The following MCF2 variants were observed in gnomAD, a reference collection of about 807,000 sequenced individuals.
The protein encoded by MCF2 is proto-oncogene DBL.
In MCF2, 44 loss-of-function variants were observed where a neutral mutation model predicts 82.5. That is an observed-to-expected ratio of 0.53 (90% confidence interval 0.42 to 0.69). MCF2 has a LOEUF of 0.69. Ranked by LOEUF, MCF2 falls within the 30% of genes least tolerant of loss-of-function variation. The probability of loss-of-function intolerance (pLI) is 0.00; values close to 1 mark genes in which losing one functional copy is unlikely to be tolerated. For missense variants in MCF2, 623 were observed against 663.1 expected (o/e 0.94, Z 0.66); for synonymous variants, 217 against 224.9 (o/e 0.96, Z 0.32).
chrX:139,627,345 T>C (rs903965471), intron 4 of MCF2, among the ~76,000 whole-genome samples: 11 of 112,187 alleles, frequency 9.8e-5, no homozygotes, highest in African/African-American at 3.6e-4. Flanking sequence ...TCAGATACAG[T>C]TAAATGCCTT....
At chrX:139,626,823 G>C in intron 4 of MCF2, 67 bp from the exon 8 acceptor site, 2 of 954,409 alleles carry the variant, frequency 2.1e-6, no homozygotes, top group Non-Finnish European at 2.9e-6. Context: ...GATGGGAAGG[G>C]AGCATACAAC....
At chrX:139,682,729 T>TTTA (rs1430662898) in intron 1 of MCF2, among the ~76,000 whole-genome samples, 1 of 111,861 alleles carries the variant, frequency 8.9e-6, no homozygotes, top group Admixed American at 9.5e-5. Flanking sequence ...TTTCTTCTGT[T>TTTA]ATCCCACCCC....
At chrX:139,685,001 T>C (rs777093640) in intron 1 of MCF2, among the ~76,000 whole-genome samples, 4 of 111,716 alleles carry the variant, frequency 3.6e-5, no homozygotes, top group African/African-American at 9.8e-5. Context: ...ACAAAAGCTA[T>C]TTTTAAAAAT....
intron 1 of MCF2, among the ~76,000 whole-genome samples, chrX:139,659,359 T>A (rs1019469230): frequency 5.4e-5 from 6 of 111,328 alleles, no homozygotes; most frequent in Non-Finnish European, 1.1e-4. Flanking sequence ...ATGATTTGAG[T>A]ACATATCACC....
chrX:139,694,842 C>G (rs1323231788), intron 1 of MCF2, among the ~76,000 whole-genome samples: 1 of 109,118 alleles, frequency 9.2e-6, no homozygotes, highest in Non-Finnish European at 1.9e-5. Flanking sequence ...ATTTTTTATC[C>G]ATAAATGCAT....
chrX:139,595,086 G>A (rs1420346578), intron 19 of MCF2, among the ~76,000 whole-genome samples: 1 of 109,574 alleles, frequency 9.1e-6, no homozygotes, highest in Non-Finnish European at 1.9e-5. Context: ...AACAGGTGCT[G>A]GAGAGGATGT....
chrX:139,604,482 T>C (rs1014121906), intron 15 of MCF2, among the ~76,000 whole-genome samples, 199 bp downstream of exon 19: 3 of 110,217 alleles, frequency 2.7e-5, no homozygotes, highest in African/African-American at 9.9e-5. Flanking sequence ...GGAAGGGGTA[T>C]TTTTATGCTC....
chrX:139,603,464 G>C (rs754770455), intron 15 of MCF2, among the ~76,000 whole-genome samples: 1 of 112,539 alleles, frequency 8.9e-6, no homozygotes, highest in African/African-American at 3.2e-5. Flanking sequence ...ACATACTATG[G>C]AGTCTAAAGG....
intron 1 of MCF2, among the ~76,000 whole-genome samples, chrX:139,687,624 C>T (rs191017660): frequency 8.9e-6 from 1 of 112,870 alleles, no homozygotes; most frequent in Admixed American, 9.3e-5. Flanking sequence ...GTGCCAAGCA[C>T]AGGCATGTCT....
intron 3 of MCF2, 67 bp downstream of exon 6, chrX:139,631,328 C>T: frequency 3.2e-6 from 2 of 617,612 alleles, no homozygotes; most frequent in Non-Finnish European, 4.9e-6. Context: ...GGAAAGAATT[C>T]TAGAACTAGA....
intron 1 of MCF2, among the ~76,000 whole-genome samples, chrX:139,690,391 GAAC>G (rs913603874): frequency 2.2e-5 from 2 of 91,216 alleles, no homozygotes; most frequent in Non-Finnish European, 4.2e-5. Context: ...AGGTAAATGA[GAAC>G]AAAACGCAAA....
rs773335090 is a variant in MCF2 at position 139,598,568 on chromosome X, T to C, written c.1837-70A>G. ...TACCTGTGAAAATGCCAAGTGTTCA[T>C]TGATTAAACCTAATGCCCCAATGTT... On this transcript the variant is annotated intron_variant, in intron 16 of 24. Transcript: ENST00000370576. 5.4e-5 allele frequency: 30 copies of C among 552,081 alleles called. No individual in the cohort carries two copies. The East Asian group carries it at 9.7e-4, about 18-fold the overall frequency. 45.5% of individuals were successfully genotyped at this position (552,081 alleles called of 1,213,427 possible). A position where few individuals can be genotyped will look rare whatever the true frequency, so the allele number is the denominator to read the frequency against.
At chrX:139,616,330 A>C in exon 9 of MCF2, 2 of 1,168,793 alleles carry the variant, frequency 1.7e-6, no homozygotes. Flanking sequence ...GCAGTGTTTC[A>C]GGTTCATAAT....
chrX:139,588,573 G>C (rs550003021), intron 20 of MCF2, 135 bp from the exon 25 acceptor site: 1 of 391,049 alleles, frequency 2.6e-6, no homozygotes, highest in East Asian at 4.1e-5. Context: ...AATCTTAACC[G>C]TTTGATTGTT....
At chrX:139,693,565 T>C (rs1363512619) in intron 1 of MCF2, among the ~76,000 whole-genome samples, 1 of 110,592 alleles carries the variant, frequency 9.0e-6, no homozygotes, top group Non-Finnish European at 1.9e-5. Flanking sequence ...TTTTTCAACT[T>C]CTCGGAGTTG....
At chrX:139,589,148 A>G (rs1929265873) in intron 20 of MCF2, among the ~76,000 whole-genome samples, 1 of 111,559 alleles carries the variant, frequency 9.0e-6, no homozygotes, top group East Asian at 2.8e-4. Flanking sequence ...GTAACATGAA[A>G]TCCTCCTTAA....
chrX:139,603,183 C>T (rs1409084037), intron 15 of MCF2, among the ~76,000 whole-genome samples: 1 of 112,474 alleles, frequency 8.9e-6, no homozygotes, highest in African/African-American at 3.2e-5. Context: ...TAGATTTGGG[C>T]TTGGTATCCA....
chrX:139,642,668 G>A, exon 1 of MCF2: 1 of 1,117,184 alleles, frequency 9.0e-7, no homozygotes, highest in Non-Finnish European at 1.2e-6. Context: ...CACAGTGGCA[G>A]CAATGCTGGG....
intron 1 of MCF2, among the ~76,000 whole-genome samples, chrX:139,706,974 G>T (rs773967407): frequency 9.1e-6 from 1 of 110,168 alleles, no homozygotes; most frequent in East Asian, 2.8e-4. Context: ...AAATGATGAA[G>T]TACATCAATG....
Sources: gnomAD v4.1 joint callset for allele counts (sites outside exome capture counted in the v4.1 genomes callset) on GRCh38, gnomAD v4.1.1 for gene constraint, MANE v1.5 for transcripts, NCBI Gene and HGNC (gene_info 2026-07-23, HGNC 2026-07-21) for gene names.